Variants in PCDH17 observed in about 807,000 individuals in gnomAD.
PCDH17 encodes protocadherin-17.
A neutral mutation model predicts 67.7 loss-of-function variants in PCDH17; 21 were observed. That is an observed-to-expected ratio of 0.31 (90% CI 0.22 to 0.45). The LOEUF is 0.45. Among genes scored for constraint, PCDH17 ranks in the 20% least tolerant of loss-of-function variants. PCDH17 has a pLI of 1.00. For synonymous variants in PCDH17, 701 were observed against 656.7 expected (o/e 1.07, Z -1.03); for missense variants, 1,471 against 1,564.8 (o/e 0.94, Z 1.01).
At chr13:57,715,991 C>G (rs955663183) in intron 3 of PCDH17, among the ~76,000 whole-genome samples, 2 of 151,898 alleles carry the variant, frequency 1.3e-5, no homozygotes, top group African/African-American at 4.8e-5. Flanking sequence ...TTAAGACTTT[C>G]TTTAGAAGAA....
At chr13:57,712,479 G>T (rs1366003039) in intron 3 of PCDH17, among the ~76,000 whole-genome samples, 2 of 151,586 alleles carry the variant, frequency 1.3e-5, no homozygotes, top group Non-Finnish European at 3.0e-5. Flanking sequence ...GTAAAAATCT[G>T]ACTTGCCTGA....
intron 1 of PCDH17, among the ~76,000 whole-genome samples, chr13:57,656,053 G>C (rs1955099095): frequency 6.6e-6 from 1 of 151,880 alleles, no homozygotes; most frequent in African/African-American, 2.4e-5. Context: ...ATCTATGAAA[G>C]TCACTTAGCT....
Position 57,726,370 on chromosome 13 carries a change from C to G in PCDH17, c.*1076C>G, listed in dbSNP as rs991908722. 5 of 152,606 alleles carry G rather than the reference C, an allele frequency of 3.3e-5. No individual in the cohort carries two copies. Among genetic ancestry groups the G allele is most frequent in the African/African-American group, 1.2e-4 (5 of 41,434 alleles). The allele number at this position is 152,606 out of a possible 1,614,324, so 9.5% of individuals were successfully genotyped here. On this transcript the variant is annotated 3_prime_UTR_variant, in exon 4 of 4. Coordinates refer to ENST00000377918, the MANE Select transcript of PCDH17 (RefSeq NM_001040429.3). ...AGCCAAATTGTTGAGTGTGTAAGAG[C>G]TATATTGTGTATTTTATTAAATTAA... is the stretch of plus-strand genomic sequence containing the variant.
At chr13:57,641,330 A>G (rs1448821306) in intron 1 of PCDH17, among the ~76,000 whole-genome samples, 8 of 151,512 alleles carry the variant, frequency 5.3e-5, no homozygotes, top group Non-Finnish European at 1.0e-4. Flanking sequence ...AATGACATCA[A>G]CATCCCTACT....
chr13:57,697,813 AGTC>A (rs908035735), intron 3 of PCDH17, among the ~76,000 whole-genome samples: 1 of 151,520 alleles, frequency 6.6e-6, no homozygotes, highest in Non-Finnish European at 1.5e-5. Flanking sequence ...TTGGAAAAGG[AGTC>A]AGTAACAAAG....
intron 3 of PCDH17, among the ~76,000 whole-genome samples, chr13:57,685,658 C>T (rs1263095662): frequency 6.6e-6 from 1 of 151,890 alleles, no homozygotes; most frequent in Non-Finnish European, 1.5e-5. Context: ...ATTTATCTTA[C>T]CTGTGGGTGT....
At chr13:57,681,606 A>G (rs1955451185) in intron 3 of PCDH17, among the ~76,000 whole-genome samples, 1 of 151,784 alleles carries the variant, frequency 6.6e-6, no homozygotes, top group South Asian at 2.1e-4. Context: ...TAGAAGACAC[A>G]AAAAGCTCTG....
chr13:57,713,872 A>T (rs1225874946), intron 3 of PCDH17, among the ~76,000 whole-genome samples: 1 of 151,494 alleles, frequency 6.6e-6, no homozygotes, highest in Non-Finnish European at 1.5e-5. Context: ...TTGAATCTTT[A>T]AAAAAACCTT....
chr13:57,651,836 C>G (rs543827758), intron 1 of PCDH17, among the ~76,000 whole-genome samples: 116 of 152,056 alleles, frequency 7.6e-4, no homozygotes, highest in African/African-American at 2.7e-3. Flanking sequence ...CATATTAACA[C>G]ATATTATTAT....
chr13:57,663,932 T>C (rs1039827709), intron 1 of PCDH17, among the ~76,000 whole-genome samples: 2 of 152,146 alleles, frequency 1.3e-5, no homozygotes, highest in African/African-American at 4.8e-5. Flanking sequence ...ATTTTTGTTT[T>C]TGAGACAGGT....
At chr13:57,699,154 A>T (rs1468422679) in intron 3 of PCDH17, among the ~76,000 whole-genome samples, 1 of 151,908 alleles carries the variant, frequency 6.6e-6, no homozygotes, top group Non-Finnish European at 1.5e-5. Context: ...TTTAATGTTT[A>T]TGCATTCCCT....
At chr13:57,722,933 T>G (rs1955883479) in intron 3 of PCDH17, among the ~76,000 whole-genome samples, 1 of 152,056 alleles carries the variant, frequency 6.6e-6, no homozygotes, top group African/African-American at 2.4e-5. Context: ...GATACCCCCT[T>G]TTAAAAAATT....
chr13:57,720,644 T>A (rs1177372995), intron 3 of PCDH17, among the ~76,000 whole-genome samples: 2 of 152,044 alleles, frequency 1.3e-5, no homozygotes, highest in African/African-American at 4.8e-5. Flanking sequence ...AGGTTATGAA[T>A]TTAAGATTTT....
upstream of PCDH17, among the ~76,000 whole-genome samples, chr13:57,630,868 G>A (rs1954710377): frequency 6.6e-6 from 1 of 152,170 alleles, no homozygotes; most frequent in African/African-American, 2.4e-5. Flanking sequence ...CCGGCAGATC[G>A]GAACACCTGC....
At chr13:57,706,139 G>C (rs1484382348) in intron 3 of PCDH17, among the ~76,000 whole-genome samples, 1 of 151,816 alleles carries the variant, frequency 6.6e-6, no homozygotes, top group African/African-American at 2.4e-5. Flanking sequence ...AGCAAAAATA[G>C]TGATTAATTT....
rs1180528881 is a variant in PCDH17, at chr13:57,725,528, C to T, written c.*234C>T. 1 of 416,008 alleles carries T rather than the reference C, an allele frequency of 2.4e-6. No individual in the cohort carries two copies. The highest frequency in any genetic ancestry group is 6.1e-5 in the South Asian group (1 of 16,524). 25.8% of individuals were successfully genotyped at this position (416,008 alleles called of 1,614,324 possible). The stretch of plus-strand genomic sequence containing the variant: ...TTGTATTAGGACAGAATTAATGATG[C>T]TTAAAGAGAAAAGAAAAAAAGAGAG... On this transcript the variant is annotated 3_prime_UTR_variant, in exon 4 of 4. Transcript: ENST00000377918.
At chr13:57,674,456 AG>A (rs1955363664) in intron 3 of PCDH17, among the ~76,000 whole-genome samples, 1 of 151,800 alleles carries the variant, frequency 6.6e-6, no homozygotes, top group Non-Finnish European at 1.5e-5. Context: ...CCTTCAAAGT[AG>A]GACTACAGAC....
In PCDH17 at chr13:57,633,460, T is replaced by C; in HGVS notation, c.914T>C (p.Val305Ala). ...GACCCCAAGACCGGCCTAATCCGTG[T>C]GAAGGGCAATCTGGACTATGAGGAA... Reference protein sequence around the residue: ...SIDPKTGLIRVKGNLDYEENG... With the variant: ...SIDPKTGLIRAKGNLDYEENG... The change falls in exon 1 of 4, where the codon GTG (valine) becomes GCG (alanine). Residue 305 changes from valine to alanine, a missense_variant. By Grantham distance (64) the Val-to-Ala change is moderately conservative. Transcript: ENST00000377918. The surrounding 1 kb of genome is among the most constrained non-coding windows in gnomAD (Gnocchi z 6.2). 1 of 1,613,688 alleles carries C rather than the reference T, an allele frequency of 6.2e-7. No homozygotes were observed. The highest frequency in any genetic ancestry group is 8.5e-7 in the Non-Finnish European group (1 of 1,180,012).
chr13:57,649,314 G>A (rs117268777), intron 1 of PCDH17, among the ~76,000 whole-genome samples: 2,079 of 152,222 alleles, frequency 0.014, 22 homozygotes, highest in Non-Finnish European at 0.023. Context: ...AGGAGAATCC[G>A]TCCAAGGGCA....
Sources: allele counts gnomAD v4.1 joint callset (sites outside exome capture counted in the v4.1 genomes callset), GRCh38; gene constraint gnomAD v4.1.1; non-coding constraint Gnocchi (gnomAD v3.1); transcripts MANE v1.5; gene names NCBI Gene and HGNC (gene_info 2026-07-23, HGNC 2026-07-21).